The following FGF5 variants were observed in gnomAD, a reference collection of about 807,000 sequenced individuals.
FGF5 encodes heparin-binding growth factor 5.
FGF5 carries 23 observed loss-of-function variants against 21.8 expected under a neutral mutation model. The observed-to-expected ratio is 1.05, with a 90% CI of 0.76 to 1.49. FGF5 has a LOEUF of 1.49. FGF5 is among the 40% of genes most tolerant of loss of function. The pLI is 0.00. For missense variants in FGF5, 352 were observed against 332.9 expected, an observed-to-expected ratio of 1.06 and a Z score of -0.45; for synonymous variants, 158 against 124.0, an observed-to-expected ratio of 1.27 and a Z score of -1.82.
At chr4:80,275,096 T>A (rs1720375938) in intron 2 of FGF5, 84 bp downstream of exon 2, 2 of 558,386 alleles carry the variant, frequency 3.6e-6, no homozygotes, top group East Asian at 6.7e-5. Context: ...AATTCATAGG[T>A]AAGAAAATTT....
At chr4:80,268,202 A>C (rs559162371) in intron 1 of FGF5, 8 of 152,428 alleles carry the variant, frequency 5.2e-5, no homozygotes, top group African/African-American at 1.9e-4. Flanking sequence ...GCCTCTAGGC[A>C]GCTGGGGGCA....
chr4:80,269,638 T>C (rs1720213214), intron 1 of FGF5, among the ~76,000 whole-genome samples: 1 of 152,340 alleles, frequency 6.6e-6, no homozygotes. Flanking sequence ...CCTAATTTAT[T>C]CTTGTTTACA....
At chr4:80,285,942 T>C (rs3755917) in intron 2 of FGF5, among the ~76,000 whole-genome samples, 1,668 of 152,316 alleles carry the variant, frequency 0.011, 30 homozygotes, top group South Asian at 0.062. Flanking sequence ...AGTAATATAG[T>C]TCCATTTATT....
At chr4:80,280,141 G>GC (rs1290024943) in intron 2 of FGF5, among the ~76,000 whole-genome samples, 4 of 152,230 alleles carry the variant, frequency 2.6e-5, no homozygotes, top group Non-Finnish European at 2.9e-5. Context: ...TCAAGACCAT[G>GC]CATGAGCTAG....
At chr4:80,279,676 C>G (rs1260794805) in intron 2 of FGF5, among the ~76,000 whole-genome samples, 1 of 152,106 alleles carries the variant, frequency 6.6e-6, no homozygotes, top group East Asian at 1.9e-4. Flanking sequence ...CTTGATTTTT[C>G]CCTAAATATA....
At chr4:80,277,355 T>G (rs1720442696) in intron 2 of FGF5, among the ~76,000 whole-genome samples, 1 of 152,240 alleles carries the variant, frequency 6.6e-6, no homozygotes, top group Admixed American at 6.5e-5. Flanking sequence ...ATATTAAGCC[T>G]ATGATTATGT....
Position 80,288,408 on chromosome 4 carries a change from A to G in FGF5, c.*1736A>G, listed in dbSNP as rs896512983. The G allele has an allele frequency of 3.3e-5, 5 of 152,062 alleles. No homozygotes were observed. Among genetic ancestry groups the G allele is most frequent in the African/African-American group, 7.2e-5 (3 of 41,418 alleles). The allele number at this position is 152,062 out of a possible 1,614,324, so 9.4% of individuals were successfully genotyped here. On this transcript the variant is annotated 3_prime_UTR_variant, in exon 3 of 3. Transcript: ENST00000312465. ...AGTATAGTGTTTTATTATAAAGCCAATTATCTGATTAAGCATTCTTTCCAC... is the reference window on the plus strand; with the variant it reads ...AGTATAGTGTTTTATTATAAAGCCAGTTATCTGATTAAGCATTCTTTCCAC...
At chr4:80,270,927 C>T (rs544295820) in intron 1 of FGF5, among the ~76,000 whole-genome samples, 10 of 152,290 alleles carry the variant, frequency 6.6e-5, no homozygotes, top group Admixed American at 3.3e-4. Context: ...GAATCTATAT[C>T]TACTATGCAG....
At chr4:80,271,101 A>G (rs775428527) in intron 1 of FGF5, among the ~76,000 whole-genome samples, 4 of 152,172 alleles carry the variant, frequency 2.6e-5, no homozygotes, top group Non-Finnish European at 5.9e-5. Context: ...GGATTTTCAG[A>G]TGCGTTGTTG....
intron 2 of FGF5, among the ~76,000 whole-genome samples, chr4:80,285,189 C>T (rs971827955): frequency 6.6e-6 from 1 of 152,150 alleles, no homozygotes; most frequent in Admixed American, 6.5e-5. Flanking sequence ...TCACACTCTT[C>T]CCCCATTCTC....
chr4:80,273,366 T>C (rs1277103323), intron 1 of FGF5, among the ~76,000 whole-genome samples: 2 of 152,130 alleles, frequency 1.3e-5, no homozygotes, highest in Non-Finnish European at 2.9e-5. Context: ...ACATAAACTT[T>C]CTAATCAAGT....
chr4:80,275,265 A>G (rs1051402832), intron 2 of FGF5, among the ~76,000 whole-genome samples: 15 of 152,034 alleles, frequency 9.9e-5, no homozygotes, highest in African/African-American at 3.6e-4. Flanking sequence ...GCATTCTCAA[A>G]GGGGCAGCCA....
At position 80,286,999 on chromosome 4, in the gene FGF5, C is replaced by T. The variant is rs1043288575; in HGVS notation, c.*327C>T. 2 of 206,252 alleles carry T rather than the reference C, an allele frequency of 9.7e-6. No homozygotes were observed. Among genetic ancestry groups the T allele is most frequent in the Admixed American group, 5.5e-5 (1 of 18,342 alleles). The allele number at this position is 206,252 out of a possible 1,614,324, so 12.8% of individuals were successfully genotyped here. ...TATTTTTCTGACTTTTACAGATTAA[C>T]CTGAAAGAACATACATGATACATTT... On this transcript the variant is annotated 3_prime_UTR_variant, in exon 3 of 3. Coordinates refer to ENST00000312465, the MANE Select transcript of FGF5 (RefSeq NM_004464.4).
chr4:80,268,699 G>A, intron 1 of FGF5: 1 of 246,236 alleles, frequency 4.1e-6, no homozygotes, highest in Non-Finnish European at 6.5e-6. Context: ...ATCTGATCGC[G>A]CTGATTCAGC....
intron 2 of FGF5, among the ~76,000 whole-genome samples, chr4:80,276,790 A>G (rs1578294257): frequency 6.6e-6 from 1 of 151,950 alleles, no homozygotes; most frequent in Non-Finnish European, 1.5e-5. Flanking sequence ...ATCCACATAC[A>G]GAATTGAAAA....
chr4:80,269,599 GC>G (rs1720210855), intron 1 of FGF5, among the ~76,000 whole-genome samples: 1 of 152,150 alleles, frequency 6.6e-6, no homozygotes, highest in Admixed American at 6.5e-5. Context: ...CTAAAACAGT[GC>G]CGACAAAAAG....
intron 2 of FGF5, among the ~76,000 whole-genome samples, chr4:80,285,109 T>C (rs1013620805): frequency 2.6e-5 from 4 of 152,180 alleles, no homozygotes; most frequent in African/African-American, 9.7e-5. Context: ...GTAAGTGTTA[T>C]GGATAAGGAG....
Position 80,286,560 on chromosome 4 carries a change from C to T in FGF5, c.695C>T (p.Thr232Ile). ...CAGCCAGAACTTTCTTTCACGGTTACTGTTCCTGAAAAGAAAAAGCCACCT... is the reference window on the plus strand; with the variant it reads ...CAGCCAGAACTTTCTTTCACGGTTATTGTTCCTGAAAAGAAAAAGCCACCT... Reference protein sequence around the residue: ...SEQPELSFTVTVPEKKKPPSP... With the variant: ...SEQPELSFTVIVPEKKKPPSP... The change falls in exon 3 of 3, where the codon ACT becomes ATT. Residue 232 changes from threonine (T) to isoleucine (I), a missense_variant. Thr to Ile is a moderately conservative substitution (Grantham distance 89, BLOSUM62 -1). Coordinates refer to ENST00000312465, the MANE Select transcript of FGF5 (RefSeq NM_004464.4). 6.2e-7 allele frequency: 1 copy of T among 1,614,056 alleles called. No individual in the cohort carries two copies.
Position 80,266,714 on chromosome 4 carries a change from G to T in FGF5, c.-111G>T, listed in dbSNP as rs1720097401. 1.1e-6 allele frequency: 1 copy of T among 931,056 alleles called. No homozygotes were observed. Among genetic ancestry groups the T allele is most frequent in the East Asian group, 2.5e-5 (1 of 40,608 alleles). 57.7% of individuals were successfully genotyped at this position (931,056 alleles called of 1,614,324 possible). A position where few individuals can be genotyped will look rare whatever the true frequency, so the allele number is the denominator to read the frequency against. On this transcript the variant is annotated 5_prime_UTR_variant, in exon 1 of 3. The change abolishes an upstream ATG in the 5' untranslated region. Coordinates refer to ENST00000312465, the MANE Select transcript of FGF5 (RefSeq NM_004464.4). ...CTCCCCTTCTCTTCCCCGAGGCTAT[G>T]TCCACCCGGTGCGGCGAGGCGGGCA...
Sources: gnomAD v4.1 joint callset for allele counts (sites outside exome capture counted in the v4.1 genomes callset) on GRCh38, gnomAD v4.1.1 for gene constraint, MANE v1.5 for transcripts, NCBI Gene and HGNC (gene_info 2026-07-23, HGNC 2026-07-21) for gene names.